Variants in LZTS1 observed in about 807,000 individuals in gnomAD.
LZTS1 encodes leucine zipper putative tumor suppressor 1.
LZTS1 carries 31 observed loss-of-function variants against 45.8 expected under a neutral mutation model. The observed-to-expected ratio is 0.68, with a 90% CI of 0.51 to 0.91. The LOEUF (loss-of-function observed/expected upper bound fraction) is 0.91, where lower values mean the gene tolerates loss of function less well. Ranked by LOEUF, LZTS1 falls within the 40% of genes least tolerant of loss-of-function variation. LZTS1 has a pLI of 0.00. For missense variants in LZTS1, 821 were observed against 788.9 expected (o/e 1.04, Z -0.49); for synonymous variants, 359 against 357.3 (o/e 1.00, Z -0.05).
chr8:20,280,394 T>C (rs1800663846), intron 1 of LZTS1, among the ~76,000 whole-genome samples: 1 of 152,180 alleles, frequency 6.6e-6, no homozygotes, highest in African/African-American at 2.4e-5. Flanking sequence ...AGTTCACTTG[T>C]CATTCAGACC....
chr8:20,255,785 G>A (rs1422142369), intron 1 of LZTS1, among the ~76,000 whole-genome samples: 2 of 152,080 alleles, frequency 1.3e-5, no homozygotes, highest in Non-Finnish European at 2.9e-5. Context: ...TCAAGAAAAT[G>A]AGGGGGCAGC....
In LZTS1 at chr8:20,253,238, G is replaced by A. The variant is rs2128892191; in HGVS notation, c.693C>T (p.Ser231=). The part of the protein sequence containing the change: ...DSNMMSLKAL[S]FSDGGSKLGH... ...CCAGCTTGCTACCTCCGTCGGAGAA[G>A]GACAGAGCCTTCAGGCTCATCATGT... Residue 231 remains serine, a synonymous_variant, in exon 3 of 4, where the codon TCC becomes TCT. Coordinates refer to ENST00000381569, the MANE Select transcript of LZTS1 (RefSeq NM_021020.5). 1 of 1,614,026 alleles carries A rather than the reference G, an allele frequency of 6.2e-7. No individual in the cohort carries two copies. The highest frequency in any genetic ancestry group is 8.5e-7 in the Non-Finnish European group (1 of 1,180,042).
intron 1 of LZTS1, among the ~76,000 whole-genome samples, chr8:20,291,923 C>T (rs1222186508): frequency 6.6e-6 from 1 of 152,164 alleles, no homozygotes; most frequent in Non-Finnish European, 1.5e-5. Context: ...GTCTTTAGAA[C>T]TTACCTGCTC....
In LZTS1 at chr8:20,253,255, T is replaced by C. The variant is rs1341842956; in HGVS notation, c.676A>G (p.Ser226Gly). 6.2e-7 allele frequency: 1 copy of C among 1,614,144 alleles called. No homozygotes were observed. Among genetic ancestry groups the C allele is most frequent in the Non-Finnish European group, 8.5e-7 (1 of 1,180,040 alleles). Residue 226 changes from serine (S) to glycine (G), a missense_variant, in exon 3 of 4, where the codon AGC becomes GGC. By Grantham distance (56) the Ser-to-Gly change is moderately conservative. Transcript: ENST00000381569. ...TCGGAGAAGGACAGAGCCTTCAGGC[T>C]CATCATGTTGCTGTCCTGGAGGACG... is the stretch of plus-strand genomic sequence containing the variant. ...GIVLQDSNMMSLKALSFSDGG... is the reference protein window; with the variant it reads ...GIVLQDSNMMGLKALSFSDGG...
rs568823247 is a variant in LZTS1, at chr8:20,253,604, G to A, written c.346-19C>T. ...CGGAGCCCTGTAGAGGAAAAGGACC[G>A]CGGTGACTCATGCCTCCCCTGCGCG... On this transcript the variant is annotated intron_variant, in intron 2 of 3. Coordinates refer to ENST00000381569, the MANE Select transcript of LZTS1 (RefSeq NM_021020.5). 6.1e-5 allele frequency: 87 copies of A among 1,433,828 alleles called. 1 individual carries two copies. Among genetic ancestry groups the A allele is most frequent in the South Asian group, 3.8e-4 (26 of 67,708 alleles). The allele number at this position is 1,433,828 out of a possible 1,614,324, so 88.8% of individuals were successfully genotyped here. A position where few individuals can be genotyped will look rare whatever the true frequency, so the allele number is the denominator to read the frequency against.
At chr8:20,301,896 A>C (rs1801085964) in intron 1 of LZTS1, among the ~76,000 whole-genome samples, 1 of 152,012 alleles carries the variant, frequency 6.6e-6, no homozygotes, top group African/African-American at 2.4e-5. Context: ...CGCTGCTATA[A>C]ATGTTAACTA....
intron 1 of LZTS1, among the ~76,000 whole-genome samples, chr8:20,284,432 G>A (rs912660076): frequency 9.2e-5 from 14 of 152,268 alleles, no homozygotes; most frequent in African/African-American, 2.2e-4. Context: ...CTGGGAGCCC[G>A]CAGCCATCAG....
intron 1 of LZTS1, among the ~76,000 whole-genome samples, chr8:20,285,023 T>C (rs13268814): frequency 0.35 from 53,319 of 151,804 alleles, 10,103 homozygotes; most frequent in Admixed American, 0.46. Context: ...TCCTTATCTC[T>C]GAAAACGACA....
At chr8:20,295,505 G>C (rs574158713) in intron 1 of LZTS1, among the ~76,000 whole-genome samples, 2 of 152,158 alleles carry the variant, frequency 1.3e-5, no homozygotes, top group African/African-American at 4.8e-5. Context: ...GGGCCTTAGC[G>C]CCATCCATCT....
chr8:20,284,623 C>T (rs1431396762), intron 1 of LZTS1, among the ~76,000 whole-genome samples: 2 of 152,142 alleles, frequency 1.3e-5, no homozygotes, highest in East Asian at 3.9e-4. Context: ...ACCTGTAGAC[C>T]TGACCTCGGG....
At chr8:20,268,991 T>A (rs1390132204) in intron 1 of LZTS1, among the ~76,000 whole-genome samples, 4 of 151,394 alleles carry the variant, frequency 2.6e-5, no homozygotes. Context: ...TGCCGGGGAG[T>A]CTTCCTCCAT....
chr8:20,274,961 CTGTGTGTG>C (rs34482608), intron 1 of LZTS1, among the ~76,000 whole-genome samples: 1 of 125,628 alleles, frequency 8.0e-6, no homozygotes, highest in East Asian at 2.4e-4. Flanking sequence ...TGCCATGATA[CTGTGTGTG>C]TGTGTGTGTG....
rs1799828338 is a variant in LZTS1 at position 20,249,665 on chromosome 8, C to T, written c.*57G>A. On this transcript the variant is annotated 3_prime_UTR_variant, in exon 4 of 4. Coordinates refer to ENST00000381569, the MANE Select transcript of LZTS1 (RefSeq NM_021020.5). ...TGAATTGCTGAGCAGGGGGGATGCA[C>T]GGGAGAGCCCTGCCTCCCAGTGCCA... 24 of 1,544,824 alleles carry T rather than the reference C, an allele frequency of 1.6e-5. No individual in the cohort carries two copies. Among genetic ancestry groups the T allele is most frequent in the South Asian group, 8.6e-5 (7 of 81,512 alleles).
Position 20,254,860 on chromosome 8 carries a change from G to C in LZTS1, c.322C>G (p.Pro108Ala). 1.9e-6 allele frequency: 3 copies of C among 1,611,768 alleles called. No individual in the cohort carries two copies. Among genetic ancestry groups the C allele is most frequent in the Non-Finnish European group, 2.5e-6 (3 of 1,178,306 alleles). ...ACCATTTCTAGCTGATTGGAGAAGG[G>C]CATGAGCTTGGGGGGTGTGGACGGG... Reference protein sequence around the residue: ...FDPSTPPKLMPFSNQLEMGSE... With the variant: ...FDPSTPPKLMAFSNQLEMGSE... The change falls in exon 2 of 4, where the codon CCC becomes GCC. Residue 108 changes from proline to alanine, a missense_variant. Coordinates refer to ENST00000381569, the MANE Select transcript of LZTS1 (RefSeq NM_021020.5).
chr8:20,274,778 A>T (rs956695681), intron 1 of LZTS1, among the ~76,000 whole-genome samples: 7 of 152,176 alleles, frequency 4.6e-5, no homozygotes, highest in Non-Finnish European at 8.8e-5. Context: ...GTCAGTGCTA[A>T]ATCACCAGGA....
At chr8:20,285,476 A>G (rs1169967487) in intron 1 of LZTS1, among the ~76,000 whole-genome samples, 1 of 152,258 alleles carries the variant, frequency 6.6e-6, no homozygotes, top group Non-Finnish European at 1.5e-5. Context: ...ATTGAAAAAC[A>G]TGTAATTTAC....
At chr8:20,269,760 A>G (rs911967895) in intron 1 of LZTS1, among the ~76,000 whole-genome samples, 1 of 152,144 alleles carries the variant, frequency 6.6e-6, no homozygotes, top group Non-Finnish European at 1.5e-5. Flanking sequence ...CTCTCAGCAG[A>G]TCTCTGACTT....
chr8:20,290,149 A>T (rs1800875863), intron 1 of LZTS1: 1 of 152,150 alleles, frequency 6.6e-6, no homozygotes, highest in South Asian at 2.1e-4. Context: ...CACCGCAGAC[A>T]CCAACAAGTT....
chr8:20,291,606 G>T (rs190197080), intron 1 of LZTS1, among the ~76,000 whole-genome samples: 4 of 145,126 alleles, frequency 2.8e-5, no homozygotes, highest in African/African-American at 1.0e-4. Context: ...GATCTCTCTC[G>T]CCATTGTTCC....
Sources: allele counts gnomAD v4.1 joint callset (sites outside exome capture counted in the v4.1 genomes callset), GRCh38; gene constraint gnomAD v4.1.1; transcripts MANE v1.5; gene names NCBI Gene and HGNC (gene_info 2026-07-23, HGNC 2026-07-21).